Variants in AIG1 observed in about 807,000 individuals in gnomAD.
AIG1 encodes the protein androgen induced 1, also known as androgen-induced gene 1 protein.
AIG1 carries 23 observed loss-of-function variants against 31.4 expected under a neutral mutation model. The observed-to-expected ratio is 0.73, with a 90% CI of 0.53 to 1.04. AIG1 has a LOEUF of 1.04. Ranked by LOEUF, AIG1 falls within the 50% of genes least tolerant of loss-of-function variation. AIG1 has a pLI of 0.00. For synonymous variants in AIG1, 100 were observed against 110.5 expected (o/e 0.90, Z 0.60); for missense variants, 274 against 295.0 (o/e 0.93, Z 0.52).
chr6:143,260,502 G>A (rs538338842), intron 3 of AIG1, among the ~76,000 whole-genome samples: 3 of 152,236 alleles, frequency 2.0e-5, no homozygotes, highest in African/African-American at 7.2e-5. Flanking sequence ...ATTCCCTGTT[G>A]GGTCCACTTA....
chr6:143,120,115 G>A (rs1475808971), intron 1 of AIG1, among the ~76,000 whole-genome samples: 1 of 151,966 alleles, frequency 6.6e-6, no homozygotes, highest in Admixed American at 6.6e-5. Flanking sequence ...TGTATTTTTA[G>A]CAGAGATGGG....
At chr6:143,224,233 C>T (rs183498554) in intron 3 of AIG1, among the ~76,000 whole-genome samples, 217 of 152,334 alleles carry the variant, frequency 1.4e-3, no homozygotes, top group African/African-American at 5.1e-3. Flanking sequence ...CGCCTTAAGA[C>T]CACACATCCA....
intron 1 of AIG1, among the ~76,000 whole-genome samples, chr6:143,099,291 T>G (rs1780046893): frequency 6.6e-6 from 1 of 152,228 alleles, no homozygotes; most frequent in South Asian, 2.1e-4. Context: ...AGCTTTCAAA[T>G]GAGTTTCTAA....
At chr6:143,178,933 C>G (rs1428998751) in intron 3 of AIG1, among the ~76,000 whole-genome samples, 1 of 152,156 alleles carries the variant, frequency 6.6e-6, no homozygotes, top group Non-Finnish European at 1.5e-5. Context: ...TATATACTCA[C>G]AGGACTTAGG....
At chr6:143,342,446 G>A (rs950501193), downstream of AIG1, 18 of 764,556 alleles carry the variant, frequency 2.4e-5, no homozygotes, top group East Asian at 9.7e-5. Flanking sequence ...GATCAGACAC[G>A]GCAACAAGTG....
rs944366089 is a variant in AIG1 at position 143,279,445 on chromosome 6, A to G, written c.400-4665A>G. ...AGCCTCCTAATCTTTCCACTTCATT[A>G]CACTGCTGTCTTCCTTTGAGCCTCT... is the stretch of plus-strand genomic sequence containing the variant. On this transcript the variant is annotated intron_variant, in intron 3 of 5. Coordinates refer to ENST00000357847, the MANE Select transcript of AIG1 (RefSeq NM_016108.4). This position sits in a 1 kb window ranked among gnomAD's most constrained non-coding sequence, Gnocchi z 5.4. 1.3e-5 allele frequency among the ~76,000 whole-genome samples: 2 copies of G among 152,206 alleles called. No homozygotes were observed. The highest frequency in any genetic ancestry group is 4.8e-5 in the African/African-American group (2 of 41,450).
intron 4 of AIG1, among the ~76,000 whole-genome samples, chr6:143,300,389 G>A (rs886149277): frequency 3.3e-5 from 5 of 152,072 alleles, no homozygotes; most frequent in Non-Finnish European, 5.9e-5. Context: ...CACATTTGGC[G>A]CTCCACTCTT....
chr6:143,226,317 T>C (rs1792949319), intron 3 of AIG1, among the ~76,000 whole-genome samples: 1 of 151,814 alleles, frequency 6.6e-6, no homozygotes. Context: ...CTCGGCTCAC[T>C]GCAACTTCTG....
At position 143,327,526 on chromosome 6, in the gene AIG1, T is replaced by C; in HGVS notation, c.516-5756T>C. On this transcript the variant is annotated intron_variant, in intron 4 of 5. Transcript: ENST00000357847. This position sits in a 1 kb window ranked among gnomAD's most constrained non-coding sequence, Gnocchi z 5.3. ...AAGGAATAAGGAATGTCCCATACTG[T>C]AACCATGTGTGGTTGTCCAGAAAAT... is the stretch of plus-strand genomic sequence containing the variant. 2 of 386,022 alleles carry C rather than the reference T, an allele frequency of 5.2e-6. No homozygotes were observed. Among genetic ancestry groups the C allele is most frequent in the South Asian group, 4.5e-5 (2 of 43,964 alleles). The allele number at this position is 386,022 out of a possible 1,614,324, so 23.9% of individuals were successfully genotyped here.
At chr6:143,079,061 T>A (rs943872271) in intron 1 of AIG1, among the ~76,000 whole-genome samples, 9 of 151,954 alleles carry the variant, frequency 5.9e-5, no homozygotes, top group Admixed American at 2.6e-4. Flanking sequence ...TGGTGACGCC[T>A]TCACAGTGAG....
At chr6:143,113,217 A>G (rs1781441871) in intron 1 of AIG1, among the ~76,000 whole-genome samples, 1 of 151,938 alleles carries the variant, frequency 6.6e-6, no homozygotes, top group Non-Finnish European at 1.5e-5. Flanking sequence ...GAAAAAAAAA[A>G]AGAGAAAAAA....
At chr6:143,332,756 A>G (rs1050550908) in intron 4 of AIG1, among the ~76,000 whole-genome samples, 5 of 152,218 alleles carry the variant, frequency 3.3e-5, no homozygotes, top group African/African-American at 1.2e-4. Flanking sequence ...CAGCCATTTC[A>G]AATACATGAC....
downstream of AIG1, chr6:143,342,551 A>T (rs965423946): frequency 3.5e-5 from 30 of 868,516 alleles, no homozygotes; most frequent in African/African-American, 3.8e-4. Context: ...TAAAACCTTT[A>T]TTTTTTTACT....
intron 4 of AIG1, among the ~76,000 whole-genome samples, chr6:143,317,537 C>T (rs2128712630): frequency 6.6e-6 from 1 of 152,286 alleles, no homozygotes. Flanking sequence ...GACAAACCCA[C>T]AGCCAACATA....
chr6:143,232,525 C>T (rs1273321371), intron 3 of AIG1, among the ~76,000 whole-genome samples: 2 of 152,180 alleles, frequency 1.3e-5, no homozygotes, highest in Admixed American at 6.5e-5. Flanking sequence ...CACCATCCCC[C>T]AAACACCTTC....
chr6:143,171,959 G>C (rs1274284751), intron 3 of AIG1, among the ~76,000 whole-genome samples: 1 of 151,886 alleles, frequency 6.6e-6, no homozygotes, highest in Non-Finnish European at 1.5e-5. Flanking sequence ...TCCTATGTTT[G>C]TTGGCCATTT....
intron 3 of AIG1, among the ~76,000 whole-genome samples, 153 bp downstream of exon 3, chr6:143,165,336 A>C (rs1786820486): frequency 1.3e-5 from 2 of 152,240 alleles, no homozygotes; most frequent in South Asian, 4.1e-4. Flanking sequence ...ATACTGTAAT[A>C]TTTACTGAAT....
Position 143,291,124 on chromosome 6 carries a change from A to G in AIG1, c.515+6899A>G, listed in dbSNP as rs1274583795. ...AAGCTGACTCGTTAGCCTTCCTTAT[A>G]TCTCCTATTTAAGCAAGGAAAAGAG... On this transcript the variant is annotated intron_variant, in intron 4 of 5. Coordinates refer to ENST00000357847, the MANE Select transcript of AIG1 (RefSeq NM_016108.4). This position sits in a 1 kb window ranked among gnomAD's most constrained non-coding sequence, Gnocchi z 4.2. Among the ~76,000 whole-genome samples the G allele has an allele frequency of 2.0e-5, 3 of 152,210 alleles. No homozygotes were observed. Among genetic ancestry groups the G allele is most frequent in the South Asian group, 2.1e-4 (1 of 4,832 alleles).
chr6:143,185,826 A>G (rs913623470), intron 3 of AIG1, among the ~76,000 whole-genome samples: 2 of 152,028 alleles, frequency 1.3e-5, no homozygotes, highest in African/African-American at 2.4e-5. Context: ...CTTATTCTCC[A>G]AGTCTAGTAA....
Sources: gnomAD v4.1 joint callset for allele counts (sites outside exome capture counted in the v4.1 genomes callset) on GRCh38, gnomAD v4.1.1 for gene constraint, Gnocchi (gnomAD v3.1) non-coding constraint, MANE v1.5 for transcripts, NCBI Gene and HGNC (gene_info 2026-07-23, HGNC 2026-07-21) for gene names.